Variants in TREH observed in about 807,000 individuals in gnomAD.
The protein encoded by TREH is alpha,alpha-trehalose glucohydrolase.
In TREH, 69 loss-of-function variants were observed where a neutral mutation model predicts 80.5. That is an observed-to-expected ratio of 0.86 (90% CI 0.71 to 1.05). The LOEUF (loss-of-function observed/expected upper bound fraction) is 1.05. Ranked by LOEUF, TREH falls within the 50% of genes least tolerant of loss-of-function variation. The pLI, the probability that TREH is intolerant of heterozygous loss-of-function variation, is 0.00. For synonymous variants in TREH, 309 were observed against 293.5 expected, an observed-to-expected ratio of 1.05 and a Z score of -0.54; for missense variants, 716 against 718.8, an observed-to-expected ratio of 1.00 and a Z score of 0.04.
At chr11:118,659,254 G>A in intron 12 of TREH, 116 bp downstream of exon 12, 3 of 929,526 alleles carry the variant, frequency 3.2e-6, no homozygotes, top group Non-Finnish European at 4.8e-6. Flanking sequence ...GAGCAGAGGA[G>A]CGAGAGAAAG....
Position 118,661,393 on chromosome 11 carries a change from T to C in TREH, c.734A>G (p.Gln245Arg). 6.2e-7 allele frequency: 1 copy of C among 1,613,960 alleles called. No homozygotes were observed. Among genetic ancestry groups the C allele is most frequent in the Non-Finnish European group, 8.5e-7 (1 of 1,179,854 alleles). The stretch of plus-strand genomic sequence containing the variant: ...GCAGCACAGGGAGGGTGGTACCCAC[T>C]GTAGAAAGGCGGTGTCATTGGTGTG... ...LTHTNDTAFL[Q>R]ENIETLALEL... The change falls in exon 7 of 15, where the codon CAG (glutamine) becomes CGG (arginine). Residue 245 changes from glutamine (Q) to arginine (R), a missense_variant and splice_region_variant. Physicochemically the swap from Gln to Arg is conservative, Grantham distance 43. Transcript: ENST00000264029. The surrounding 1 kb of genome is among the most constrained non-coding windows in gnomAD (Gnocchi z 4.2).
At position 118,679,568 on chromosome 11, in the gene TREH, G is replaced by A; in HGVS notation, c.60C>T (p.Ser20=). 1.9e-6 allele frequency: 3 copies of A among 1,549,188 alleles called. No homozygotes were observed. Among genetic ancestry groups the A allele is most frequent in the South Asian group, 1.2e-5 (1 of 81,068 alleles). ...LLLLLGLGLG[S]QEALPPPCES... ...CACAGGGTGGGGGTAGGGCCTCCTG[G>A]GACCCCAGTCCCAGCCCCAGCAGCA... Residue 20 remains serine (S), a synonymous_variant, in exon 1 of 15, where the codon TCC becomes TCT. Coordinates refer to ENST00000264029, the MANE Select transcript of TREH (RefSeq NM_007180.3).
In TREH at chr11:118,658,738, G is replaced by A; in HGVS notation, c.1546-5C>T. Reference sequence around the variant, plus strand: ...TCCACCGTTGCTGACGTCATACTGGGGACAAGCGGGTGGGCTGTATGTCAG... The same window carrying A: ...TCCACCGTTGCTGACGTCATACTGGAGACAAGCGGGTGGGCTGTATGTCAG... On this transcript the variant is annotated splice_polypyrimidine_tract_variant and splice_region_variant and intron_variant, in intron 13 of 14. Coordinates refer to ENST00000264029, the MANE Select transcript of TREH (RefSeq NM_007180.3). The A allele has an allele frequency of 1.2e-6, 2 of 1,607,380 alleles. No homozygotes were observed. The highest frequency in any genetic ancestry group is 8.5e-7 in the Non-Finnish European group (1 of 1,176,746).
chr11:118,664,887 T>C (rs1391802252), intron 1 of TREH, among the ~76,000 whole-genome samples: 6 of 151,964 alleles, frequency 3.9e-5, no homozygotes, highest in African/African-American at 1.5e-4. Flanking sequence ...GGTGGGTGGA[T>C]CACTTGAGGT....
chr11:118,667,569 C>T (rs1429273619), intron 1 of TREH, among the ~76,000 whole-genome samples: 1 of 152,176 alleles, frequency 6.6e-6, no homozygotes, highest in Non-Finnish European at 1.5e-5. Context: ...TCCTGGGGAA[C>T]AGCCCCATAC....
At chr11:118,677,745 C>A (rs1422248318) in intron 1 of TREH, among the ~76,000 whole-genome samples, 2 of 152,024 alleles carry the variant, frequency 1.3e-5, no homozygotes, top group African/African-American at 4.8e-5. Flanking sequence ...AAAAATGAAA[C>A]CATAATCATG....
chr11:118,665,295 C>A (rs782356338), intron 1 of TREH, among the ~76,000 whole-genome samples: 1 of 151,992 alleles, frequency 6.6e-6, no homozygotes, highest in African/African-American at 2.4e-5. Flanking sequence ...AGTGGCCCCA[C>A]GACTAGGACT....
At position 118,661,301 on chromosome 11, in the gene TREH, C is replaced by T. The variant is rs1949318690; in HGVS notation, c.735-19G>A. The T allele has an allele frequency of 3.1e-6, 5 of 1,613,816 alleles. No homozygotes were observed. Among genetic ancestry groups the T allele is most frequent in the Non-Finnish European group, 4.2e-6 (5 of 1,179,868 alleles). On this transcript the variant is annotated intron_variant, in intron 7 of 14. Coordinates refer to ENST00000264029, the MANE Select transcript of TREH (RefSeq NM_007180.3). The surrounding 1 kb of genome is among the most constrained non-coding windows in gnomAD (Gnocchi z 4.2). ...GTTTTCCCTGGAGTGAAGCAGACAA[C>T]ACCTCAGCCCAGGCGTGCTGCCCAT...
At chr11:118,659,536 G>C in intron 11 of TREH, 55 bp from the exon 12 acceptor site, 1 of 1,470,220 alleles carries the variant, frequency 6.8e-7, no homozygotes, top group Non-Finnish European at 9.1e-7. Flanking sequence ...TGGGAGCCAG[G>C]ACAGGACGCT....
At chr11:118,677,516 G>C (rs924936413) in intron 1 of TREH, among the ~76,000 whole-genome samples, 1 of 152,116 alleles carries the variant, frequency 6.6e-6, no homozygotes, top group Non-Finnish European at 1.5e-5. Flanking sequence ...ACAAGGACAA[G>C]AGATTGAGAC....
At chr11:118,669,394 C>T (rs1488903313) in intron 1 of TREH, among the ~76,000 whole-genome samples, 2 of 152,156 alleles carry the variant, frequency 1.3e-5, no homozygotes, top group Non-Finnish European at 2.9e-5. Context: ...ATCTGCACTC[C>T]CATGTTTATT....
intron 1 of TREH, among the ~76,000 whole-genome samples, chr11:118,664,565 A>G (rs1213853997): frequency 2.6e-5 from 4 of 152,234 alleles, no homozygotes; most frequent in Admixed American, 6.5e-5. Flanking sequence ...ACAAGATGCT[A>G]TATTAGAACA....
At chr11:118,659,058 C>T (rs1555144211) in intron 12 of TREH, 41 bp from the exon 13 acceptor site, 1 of 1,586,572 alleles carries the variant, frequency 6.3e-7, no homozygotes, top group African/African-American at 1.3e-5. Flanking sequence ...CCAGGTCTCC[C>T]ATCCCAGACA....
At chr11:118,662,505 C>T (rs973450774) in intron 4 of TREH, among the ~76,000 whole-genome samples, 1 of 152,206 alleles carries the variant, frequency 6.6e-6, no homozygotes. Context: ...TGGCCCCACG[C>T]AGCAGTAGCA....
At chr11:118,673,048 C>T (rs1218253150) in intron 1 of TREH, among the ~76,000 whole-genome samples, 1 of 152,164 alleles carries the variant, frequency 6.6e-6, no homozygotes, top group South Asian at 2.1e-4. Flanking sequence ...AGCCCCCTTG[C>T]GTTGAGTGTG....
intron 11 of TREH, 42 bp from the exon 12 acceptor site, chr11:118,659,523 G>T (rs782059500): frequency 2.7e-6 from 4 of 1,498,044 alleles, no homozygotes; most frequent in Non-Finnish European, 3.6e-6. Context: ...GGTGGGGCTG[G>T]ACTGGGAGCC....
chr11:118,659,090 C>CT, intron 12 of TREH, 73 bp from the exon 13 acceptor site: 2 of 1,471,184 alleles, frequency 1.4e-6, no homozygotes, highest in Non-Finnish European at 9.4e-7. Context: ...GCACCCTACT[C>CT]TCCCCAAGGA....
At chr11:118,673,951 G>A (rs1565530830) in intron 1 of TREH, among the ~76,000 whole-genome samples, 1 of 152,170 alleles carries the variant, frequency 6.6e-6, no homozygotes, top group Non-Finnish European at 1.5e-5. Flanking sequence ...TGTCCAATTG[G>A]CAATAGAATC....
chr11:118,657,955 G>A lies in TREH; in HGVS notation c.*334C>T. 3.7e-6 allele frequency: 1 copy of A among 270,410 alleles called. No homozygotes were observed. The highest frequency in any genetic ancestry group is 7.7e-5 in the South Asian group (1 of 12,912). 16.8% of individuals were successfully genotyped at this position (270,410 alleles called of 1,614,324 possible). A position where few individuals can be genotyped will look rare whatever the true frequency, so the allele number is the denominator to read the frequency against. On this transcript the variant is annotated 3_prime_UTR_variant, in exon 15 of 15. Coordinates refer to ENST00000264029, the MANE Select transcript of TREH (RefSeq NM_007180.3). ...CCTTCCCAGCATTGAGCCCTTGGTTGCCTGGGCCCAGGCTGGGGGTTTTCA... is the reference window on the plus strand; with the variant it reads ...CCTTCCCAGCATTGAGCCCTTGGTTACCTGGGCCCAGGCTGGGGGTTTTCA...
Sources: allele counts gnomAD v4.1 joint callset (sites outside exome capture counted in the v4.1 genomes callset), GRCh38; gene constraint gnomAD v4.1.1; non-coding constraint Gnocchi (gnomAD v3.1); transcripts MANE v1.5; gene names NCBI Gene and HGNC (gene_info 2026-07-23, HGNC 2026-07-21).